RRP1B: variants seen among roughly 807,000 people sequenced by gnomAD.
RRP1B encodes the protein ribosomal RNA processing 1B, also known as ribosomal RNA processing protein 1 homolog B.
In RRP1B, 56 loss-of-function variants were observed where a neutral mutation model predicts 80.2. That is an observed-to-expected ratio of 0.70 (90% CI 0.56 to 0.87). The LOEUF (loss-of-function observed/expected upper bound fraction) is 0.87, where lower values mean the gene tolerates loss of function less well. Among genes scored for constraint, RRP1B ranks in the 40% least tolerant of loss-of-function variants. The pLI, the probability that RRP1B is intolerant of heterozygous loss-of-function variation, is 0.00. For synonymous variants in RRP1B, 351 were observed against 357.6 expected (o/e 0.98, Z 0.21); for missense variants, 807 against 939.8 (o/e 0.86, Z 1.85).
At position 43,695,122 on chromosome 21, in the gene RRP1B, A is replaced by G. The variant is rs939119561; in HGVS notation, c.*1739A>G. 2.6e-4 allele frequency: 39 copies of G among 152,198 alleles called. No homozygotes were observed. Among genetic ancestry groups the G allele is most frequent in the Middle Eastern group, 3.4e-3 (1 of 292 alleles). 9.4% of individuals were successfully genotyped at this position (152,198 alleles called of 1,614,324 possible). The stretch of plus-strand genomic sequence containing the variant: ...ATAGGATCCTCACATCCCATTCAGA[A>G]CCAAAACTGATACAGTGAAACAATT... On this transcript the variant is annotated 3_prime_UTR_variant, in exon 16 of 16. Coordinates refer to ENST00000340648, the MANE Select transcript of RRP1B (RefSeq NM_015056.3).
In RRP1B at chr21:43,690,331, G is replaced by A; in HGVS notation, c.1910G>A (p.Arg637Lys). 4 of 1,614,198 alleles carry A rather than the reference G, an allele frequency of 2.5e-6. No homozygotes were observed. The highest frequency in any genetic ancestry group is 1.1e-5 in the South Asian group (1 of 91,090). ...TCSSLKKQKL[R>K]AESDFVKFDT... ...AGTTCCCTGAAGAAGCAGAAGCTGAGGGCAGAGAGCGACTTTGTGAAGTTT... is the reference window on the plus strand; with the variant it reads ...AGTTCCCTGAAGAAGCAGAAGCTGAAGGCAGAGAGCGACTTTGTGAAGTTT... The change falls in exon 14 of 16, where the codon AGG (arginine) becomes AAG (lysine). Residue 637 changes from arginine to lysine, a missense_variant. Transcript: ENST00000340648.
chr21:43,674,305 C>T (rs2083012340), intron 4 of RRP1B, among the ~76,000 whole-genome samples: 1 of 152,150 alleles, frequency 6.6e-6, no homozygotes, highest in Non-Finnish European at 1.5e-5. Context: ...TACAGACGCG[C>T]ACCACCATGC....
At chr21:43,668,916 T>G (rs904537637) in intron 1 of RRP1B, among the ~76,000 whole-genome samples, 26 of 152,228 alleles carry the variant, frequency 1.7e-4, no homozygotes, top group African/African-American at 6.3e-4. Flanking sequence ...CATTTTGTGA[T>G]TCTTTATGTC....
chr21:43,662,677 A>T (rs955278014), intron 1 of RRP1B, among the ~76,000 whole-genome samples: 4 of 152,216 alleles, frequency 2.6e-5, no homozygotes, highest in African/African-American at 9.7e-5. Flanking sequence ...TAACTGTTCA[A>T]GTTGGGTGCT....
Position 43,673,947 on chromosome 21 carries a change from T to G in RRP1B, c.349T>G (p.Tyr117Asp). Residue 117 changes from tyrosine to aspartate, a missense_variant, in exon 4 of 16, where the codon TAC becomes GAC. Tyr to Asp is a radical substitution (Grantham distance 160). Coordinates refer to ENST00000340648, the MANE Select transcript of RRP1B (RefSeq NM_015056.3). The stretch of plus-strand genomic sequence containing the variant: ...AATAGACAGGCTACGCCTGGACAAA[T>G]ACTATATGGTAAGATCTGCCGCAGT... ...KGIDRLRLDK[Y>D]YMLIRLVLRQ... 1 of 1,608,820 alleles carries G rather than the reference T, an allele frequency of 6.2e-7. No individual in the cohort carries two copies. The highest frequency in any genetic ancestry group is 1.1e-5 in the South Asian group (1 of 90,682).
chr21:43,678,860 T>A (rs1601756786), intron 8 of RRP1B, among the ~76,000 whole-genome samples: 1 of 152,348 alleles, frequency 6.6e-6, no homozygotes, highest in Non-Finnish European at 1.5e-5. Context: ...CTGGAAGAGT[T>A]TTTCTAATGC....
chr21:43,671,050 C>G (rs1458835964), intron 2 of RRP1B, among the ~76,000 whole-genome samples: 1 of 152,140 alleles, frequency 6.6e-6, no homozygotes, highest in Non-Finnish European at 1.5e-5. Context: ...CTCATTTTCC[C>G]ACGAAGGAAA....
At chr21:43,689,065 G>A (rs1049701501) in intron 13 of RRP1B, among the ~76,000 whole-genome samples, 4 of 152,208 alleles carry the variant, frequency 2.6e-5, no homozygotes, top group East Asian at 1.9e-4. Flanking sequence ...GAGAGCCCCC[G>A]CGCCTGGCCC....
At chr21:43,688,269 C>T (rs369275222) in intron 13 of RRP1B, 29 bp downstream of exon 13, 93 of 1,499,598 alleles carry the variant, frequency 6.2e-5, no homozygotes, top group Non-Finnish European at 7.3e-5. Context: ...CAGGCCAGCT[C>T]GCCACAGAGG....
At chr21:43,679,993 G>A (rs767971876) in intron 8 of RRP1B, among the ~76,000 whole-genome samples, 44 of 152,106 alleles carry the variant, frequency 2.9e-4, no homozygotes, top group Non-Finnish European at 5.1e-4. Flanking sequence ...TTCTCAGCTT[G>A]GTCGTTGTTG....
chr21:43,685,733 T>C, intron 10 of RRP1B, 37 bp from the exon 11 acceptor site: 2 of 1,380,810 alleles, frequency 1.4e-6, no homozygotes, highest in Non-Finnish European at 1.9e-6. Context: ...ACATTTGTTA[T>C]TTTTTTATTT....
chr21:43,693,458 G>A lies in RRP1B; in HGVS notation c.*75G>A, dbSNP rs1039588598. On this transcript the variant is annotated 3_prime_UTR_variant, in exon 16 of 16. Transcript: ENST00000340648. This position sits in a 1 kb window ranked among gnomAD's most constrained non-coding sequence, Gnocchi z 4.1. ...TAAATTATACCTTTAAGAATGTGGG[G>A]CCTTTTTTATGATTTTGTAAGTTCC... The A allele has an allele frequency of 1.2e-5, 16 of 1,356,796 alleles. No individual in the cohort carries two copies. Among genetic ancestry groups the A allele is most frequent in the Non-Finnish European group, 1.3e-5 (13 of 1,027,822 alleles). 84.0% of individuals were successfully genotyped at this position (1,356,796 alleles called of 1,614,324 possible).
At chr21:43,674,922 T>C in intron 5 of RRP1B, 112 bp from the exon 6 acceptor site, 1 of 1,376,612 alleles carries the variant, frequency 7.3e-7, no homozygotes, top group Non-Finnish European at 1.0e-6. Flanking sequence ...ATTTCAGCCT[T>C]GCATTGATTG....
In RRP1B at chr21:43,684,705, T is replaced by C. The variant is rs2083056890; in HGVS notation, c.989+55T>C. On this transcript the variant is annotated intron_variant, in intron 10 of 15. Coordinates refer to ENST00000340648, the MANE Select transcript of RRP1B (RefSeq NM_015056.3). ...CATCATTCCTTTAGTTCTCATCTCC[T>C]GGTGTGGGACAAGCCATCTGCATGC... is the stretch of plus-strand genomic sequence containing the variant. 6.3e-6 allele frequency: 9 copies of C among 1,419,674 alleles called. No individual in the cohort carries two copies. The Admixed American group carries it at 1.5e-4, about 24-fold the overall frequency. The allele number at this position is 1,419,674 out of a possible 1,614,324, so 87.9% of individuals were successfully genotyped here.
rs146949497 is a variant in RRP1B, at chr21:43,684,768, C to G, written c.989+118C>G. 5.1e-5 allele frequency: 41 copies of G among 804,822 alleles called. 1 individual carries two copies. The highest frequency in any genetic ancestry group is 2.6e-4 in the East Asian group (10 of 38,008). The allele number at this position is 804,822 out of a possible 1,614,324, so 49.9% of individuals were successfully genotyped here. On this transcript the variant is annotated intron_variant, in intron 10 of 15. Coordinates refer to ENST00000340648, the MANE Select transcript of RRP1B (RefSeq NM_015056.3). ...TTTCTTCTTTTTTTGTCCTTTAATG[C>G]TTTTGTGTATAGCAATGTAATAGAC...
chr21:43,668,602 C>T (rs1387996898), intron 1 of RRP1B, among the ~76,000 whole-genome samples: 1 of 151,968 alleles, frequency 6.6e-6, no homozygotes, highest in African/African-American at 2.4e-5. Flanking sequence ...ATCGTCTGAC[C>T]CCGTGATCCG....
chr21:43,672,183 T>G (rs1282356116), intron 2 of RRP1B, 125 bp from the exon 3 acceptor site: 8 of 741,784 alleles, frequency 1.1e-5, no homozygotes, highest in Admixed American at 6.3e-5. Flanking sequence ...TACTTCTTAG[T>G]GGAAGTGACA....
At position 43,688,607 on chromosome 21, in the gene RRP1B, C is replaced by T. The variant is rs571335712; in HGVS notation, c.1866+367C>T. Among the ~76,000 whole-genome samples, 12 of 152,316 alleles carry T rather than the reference C, an allele frequency of 7.9e-5. No homozygotes were observed. The South Asian group carries it at 8.3e-4, about 11-fold the overall frequency. On this transcript the variant is annotated intron_variant, in intron 13 of 15. Coordinates refer to ENST00000340648, the MANE Select transcript of RRP1B (RefSeq NM_015056.3). ...TTCATCAGCGCATGGCCAGTCCAGG[C>T]CCCTTTGGCAAAAGAGGAAGCCCAA... is the stretch of plus-strand genomic sequence containing the variant.
At chr21:43,680,278 G>A (rs1330296866) in intron 8 of RRP1B, among the ~76,000 whole-genome samples, 1 of 152,096 alleles carries the variant, frequency 6.6e-6, no homozygotes, top group East Asian at 1.9e-4. Context: ...AGACAGGGTC[G>A]GCCGGGCGCG....
Sources: allele counts gnomAD v4.1 joint callset (sites outside exome capture counted in the v4.1 genomes callset), GRCh38; gene constraint gnomAD v4.1.1; non-coding constraint Gnocchi (gnomAD v3.1); transcripts MANE v1.5; gene names NCBI Gene and HGNC (gene_info 2026-07-23, HGNC 2026-07-21).